FAP: variants seen among roughly 807,000 people sequenced by gnomAD.
FAP encodes fibroblast activation protein alpha.
A neutral mutation model predicts 126.5 loss-of-function variants in FAP; 110 were observed. That is an observed-to-expected ratio of 0.87 (90% CI 0.74 to 1.02). FAP has a LOEUF of 1.02. FAP is among the 50% of genes least tolerant of loss of function. FAP has a pLI of 0.00. For synonymous variants in FAP, 334 were observed against 297.3 expected (o/e 1.12, Z -1.27); for missense variants, 919 against 909.2 (o/e 1.01, Z -0.14).
intron 9 of FAP, among the ~76,000 whole-genome samples, chr2:162,216,435 T>C (rs927640174): frequency 2.0e-5 from 3 of 152,194 alleles, no homozygotes. Flanking sequence ...AGACACTTTT[T>C]GCTTTTGCCA....
intron 6 of FAP, among the ~76,000 whole-genome samples, chr2:162,222,655 A>C (rs1689458970): frequency 6.6e-6 from 1 of 152,196 alleles, no homozygotes; most frequent in Admixed American, 6.5e-5. Flanking sequence ...CATTGTCCAC[A>C]CTTAGCCAGG....
chr2:162,198,733 G>A, intron 16 of FAP, 24 bp downstream of exon 16: 1 of 1,613,578 alleles, frequency 6.2e-7, no homozygotes, highest in Non-Finnish European at 8.5e-7. Flanking sequence ...GGGATGCTGT[G>A]CTTATGTGAG....
chr2:162,174,818 A>G (rs757211945), intron 22 of FAP, 49 bp downstream of exon 22: 11 of 1,289,802 alleles, frequency 8.5e-6, no homozygotes, highest in South Asian at 1.2e-5. Flanking sequence ...GATATAGAGT[A>G]ATTACGTGTT....
intron 7 of FAP, 140 bp from the exon 8 acceptor site, chr2:162,219,323 G>A (rs912889364): frequency 2.7e-6 from 2 of 745,538 alleles, no homozygotes; most frequent in South Asian, 2.3e-5. Flanking sequence ...CATTTTAATA[G>A]GTCAAAAAAT....
rs371519998 is a variant in FAP at position 162,219,871 on chromosome 2, C to T, written c.468G>A (p.Ser156=). 48 of 1,610,466 alleles carry T rather than the reference C, an allele frequency of 3.0e-5. No individual in the cohort carries two copies. The highest frequency in any genetic ancestry group is 3.7e-5 in the Non-Finnish European group (43 of 1,177,142). ...CACTTACTAATTTACTCCCAACAGG[C>T]GACCAGCATAAATACTGAATTGGAC... is the stretch of plus-strand genomic sequence containing the variant. The part of the protein sequence containing the change: ...LPRPIQYLCW[S]PVGSKLAYVY... The change falls in exon 7 of 26, where the codon TCG becomes TCA. Residue 156 remains serine (S), a synonymous_variant. Coordinates refer to ENST00000188790, the MANE Select transcript of FAP (RefSeq NM_004460.5).
Position 162,189,161 on chromosome 2 carries a change from T to C in FAP, c.1561A>G (p.Lys521Glu), listed in dbSNP as rs746216651. 6.2e-7 allele frequency: 1 copy of C among 1,600,146 alleles called. No individual in the cohort carries two copies. The highest frequency in any genetic ancestry group is 2.3e-5 in the East Asian group (1 of 44,344). ...LEVDEITLWY[K>E]MILPPQFDRS... ...TCAAATTGAGGAGGAAGAATCATCT[T>C]GTACCATAAAGCTTTGAGGAAAAAA... Residue 521 changes from lysine (K) to glutamate (E), a missense_variant, in exon 19 of 26, where the codon AAG becomes GAG. Coordinates refer to ENST00000188790, the MANE Select transcript of FAP (RefSeq NM_004460.5).
chr2:162,187,674 GA>G (rs1465183762), intron 20 of FAP, among the ~76,000 whole-genome samples: 2 of 152,008 alleles, frequency 1.3e-5, no homozygotes, highest in Non-Finnish European at 2.9e-5. Context: ...TTTGTCAAAC[GA>G]AAATAGGCAA....
intron 12 of FAP, among the ~76,000 whole-genome samples, chr2:162,205,524 T>G (rs1688667961): frequency 6.6e-6 from 1 of 152,190 alleles, no homozygotes; most frequent in African/African-American, 2.4e-5. Flanking sequence ...TTTTATTTTT[T>G]TATTTTTTAT....
chr2:162,179,223 T>C (rs886412542), intron 21 of FAP, among the ~76,000 whole-genome samples: 1 of 149,848 alleles, frequency 6.7e-6, no homozygotes, highest in Admixed American at 6.8e-5. Flanking sequence ...TTGGTAATAC[T>C]GTGTTAAACA....
chr2:162,211,261 A>G (rs968484164), intron 11 of FAP, among the ~76,000 whole-genome samples: 5 of 152,138 alleles, frequency 3.3e-5, no homozygotes, highest in Non-Finnish European at 7.4e-5. Flanking sequence ...AAATGCCATC[A>G]CCTAGGTTCC....
In FAP at chr2:162,202,937, A is replaced by AT. The variant is rs1431184005; in HGVS notation, c.1157dup (p.Asn386LysfsTer27). 6.2e-7 allele frequency: 1 copy of AT among 1,613,150 alleles called. No homozygotes were observed. Reference sequence around the variant, plus strand: ...ACTTGCCACTTGTAATTTGAATAGCATTTTCCTATAAAAAGACAAACATTA... The same window carrying AT: ...ACTTGCCACTTGTAATTTGAATAGCATTTTTCCTATAAAAAGACAAACATTA... On this transcript the variant is annotated frameshift_variant, in exon 14 of 26. Transcript: ENST00000188790. LOFTEE classifies it high-confidence loss of function.
intron 2 of FAP, among the ~76,000 whole-genome samples, chr2:162,233,760 C>A (rs1418313450): frequency 6.6e-6 from 1 of 151,964 alleles, no homozygotes; most frequent in African/African-American, 2.4e-5. Flanking sequence ...TTGTTTCTTG[C>A]ATTTTTGGTC....
At chr2:162,197,836 C>A in intron 16 of FAP, 1 of 340,926 alleles carries the variant, frequency 2.9e-6, no homozygotes, top group Non-Finnish European at 5.7e-6. Flanking sequence ...GGGTAGCATA[C>A]ATTTTGTAAT....
chr2:162,178,902 T>A (rs1048613150), intron 21 of FAP, among the ~76,000 whole-genome samples: 2 of 152,186 alleles, frequency 1.3e-5, no homozygotes, highest in African/African-American at 4.8e-5. Context: ...ATCTCCAATT[T>A]CCCACAGGTC....
Position 162,198,104 on chromosome 2 carries a change from G to A in FAP, c.1402+653C>T, listed in dbSNP as rs78179457. 3.1e-3 allele frequency: 3,310 copies of A among 1,060,496 alleles called. 127 individuals carry two copies. The East Asian group carries it at 0.11, about 36-fold the overall frequency. 65.7% of individuals were successfully genotyped at this position (1,060,496 alleles called of 1,614,324 possible). A position where few individuals can be genotyped will look rare whatever the true frequency, so the allele number is the denominator to read the frequency against. Reference sequence around the variant, plus strand: ...GGTAGAAATTATTCATTAAATGTACGTATGTCCTAAACAACCAGGAAATGT... The same window carrying A: ...GGTAGAAATTATTCATTAAATGTACATATGTCCTAAACAACCAGGAAATGT... On this transcript the variant is annotated intron_variant, in intron 16 of 25. Transcript: ENST00000188790.
chr2:162,243,156 G>A (rs968797545), intron 1 of FAP, 164 bp from the exon 2 acceptor site: 16 of 794,694 alleles, frequency 2.0e-5, no homozygotes, highest in Non-Finnish European at 1.4e-5. Flanking sequence ...GCTCTGCAAG[G>A]ACAAATGTTT....
chr2:162,229,833 C>A (rs980065315), intron 2 of FAP, among the ~76,000 whole-genome samples: 2 of 145,870 alleles, frequency 1.4e-5, no homozygotes, highest in African/African-American at 2.4e-5. Context: ...TGCCAACAAT[C>A]GATATAGAGA....
chr2:162,201,902 A>G (rs1295333015), intron 14 of FAP, among the ~76,000 whole-genome samples: 1 of 152,206 alleles, frequency 6.6e-6, no homozygotes, highest in Non-Finnish European at 1.5e-5. Flanking sequence ...CATGCCTGAA[A>G]TGAATCTCCC....
rs189641085 is a variant in FAP, at chr2:162,194,215, C to T, written c.1450+486G>A. ...CAAAAAAAGCTGGTGTGACAGTCAC[C>T]CTCTGCTCTGAACTGAAGAAGTTAC... On this transcript the variant is annotated intron_variant, in intron 17 of 25. Transcript: ENST00000188790. 328 of 152,130 alleles carry T rather than the reference C, an allele frequency of 2.2e-3. 1 individual carries two copies. The highest frequency in any genetic ancestry group is 3.4e-3 in the Middle Eastern group (1 of 296). The allele number at this position is 152,130 out of a possible 1,614,324, so 9.4% of individuals were successfully genotyped here.
Sources: gnomAD v4.1 joint callset for allele counts (sites outside exome capture counted in the v4.1 genomes callset) on GRCh38, gnomAD v4.1.1 for gene constraint, MANE v1.5 for transcripts, NCBI Gene and HGNC (gene_info 2026-07-23, HGNC 2026-07-21) for gene names.